SGCD: variants seen among roughly 807,000 people sequenced by gnomAD.
SGCD encodes the protein delta-sarcoglycan.
In SGCD, 18 loss-of-function variants were observed where a neutral mutation model predicts 36.6. The observed-to-expected ratio is 0.49, with a 90% CI of 0.34 to 0.73. The LOEUF is 0.73. SGCD is among the 30% of genes least tolerant of loss of function. SGCD has a pLI of 0.01. For synonymous variants in SGCD, 133 were observed against 130.6 expected, an observed-to-expected ratio of 1.02 and a Z score of -0.12; for missense variants, 387 against 346.7, an observed-to-expected ratio of 1.12 and a Z score of -0.92.
At chr5:156,222,143 C>G (rs922253615) in intron 3 of SGCD, among the ~76,000 whole-genome samples, 8 of 151,964 alleles carry the variant, frequency 5.3e-5, no homozygotes, top group Non-Finnish European at 1.5e-5. Flanking sequence ...ATAGAAGAGG[C>G]CGCTTCTAAA....
At chr5:156,233,431 A>G (rs567063238) in intron 3 of SGCD, among the ~76,000 whole-genome samples, 1 of 152,354 alleles carries the variant, frequency 6.6e-6, no homozygotes, top group East Asian at 1.9e-4. Context: ...TGTTTGATGA[A>G]CAAGGTGGTA....
chr5:156,505,207 TGA>T (rs1321757895), intron 3 of SGCD, among the ~76,000 whole-genome samples: 1 of 152,200 alleles, frequency 6.6e-6, no homozygotes, highest in Non-Finnish European at 1.5e-5. Flanking sequence ...CTGCTGCAGG[TGA>T]GACACGTGCC....
At chr5:156,610,747 G>C (rs372613631) in intron 6 of SGCD, among the ~76,000 whole-genome samples, 1 of 152,196 alleles carries the variant, frequency 6.6e-6, no homozygotes, top group Non-Finnish European at 1.5e-5. Flanking sequence ...AAAGGTGGGC[G>C]CCCCTCCCCC....
chr5:155,801,122 T>C, the SGCD span, among the ~76,000 whole-genome samples: 1 of 152,202 alleles, frequency 6.6e-6, no homozygotes, highest in Non-Finnish European at 1.5e-5. Flanking sequence ...TCTGCCTTCT[T>C]GGCCTTCCAA....
At chr5:156,043,104 CAT>C (rs1374652541) in intron 1 of SGCD, among the ~76,000 whole-genome samples, 2 of 152,124 alleles carry the variant, frequency 1.3e-5, no homozygotes, top group Middle Eastern at 3.2e-3. Flanking sequence ...CTTTTACTGT[CAT>C]AATTTTCTTA....
intron 3 of SGCD, among the ~76,000 whole-genome samples, chr5:156,450,864 T>G (rs1581013195): frequency 1.3e-5 from 2 of 152,248 alleles, no homozygotes; most frequent in Middle Eastern, 6.8e-3. Flanking sequence ...AGTACTTTCT[T>G]TTTATATTAA....
chr5:156,336,092 T>A (rs1458724017), intron 2 of SGCD, among the ~76,000 whole-genome samples: 1 of 152,126 alleles, frequency 6.6e-6, no homozygotes, highest in Admixed American at 6.5e-5. Flanking sequence ...CCTGCTTCTT[T>A]CCCCTTCTGC....
At chr5:156,063,293 ATC>A (rs1760278636) in intron 1 of SGCD, among the ~76,000 whole-genome samples, 1 of 13,820 alleles carries the variant, frequency 7.2e-5, no homozygotes, top group African/African-American at 4.4e-4. Context: ...ATTGATCTAT[ATC>A]TCTGTTTTGG....
chr5:155,881,845 G>T, intron 1 of SGCD, among the ~76,000 whole-genome samples: 1 of 152,104 alleles, frequency 6.6e-6, no homozygotes. Context: ...TAGATTCCAG[G>T]TCAAGAAACC....
intron 3 of SGCD, among the ~76,000 whole-genome samples, chr5:156,420,534 T>C (rs139396977): frequency 5.3e-4 from 80 of 152,126 alleles, no homozygotes; most frequent in Non-Finnish European, 1.0e-3. Flanking sequence ...TTGCCTGATA[T>C]TTCTGTATAA....
At chr5:156,324,233 G>A (rs1054477411), upstream of SGCD, among the ~76,000 whole-genome samples, 2 of 152,132 alleles carry the variant, frequency 1.3e-5, no homozygotes, top group African/African-American at 4.8e-5. Context: ...GACTGGTAAT[G>A]TCCTGGAGGG....
chr5:156,703,391 T>C (rs1490147688), intron 7 of SGCD, among the ~76,000 whole-genome samples: 1 of 151,800 alleles, frequency 6.6e-6, no homozygotes, highest in South Asian at 2.1e-4. Flanking sequence ...TCTTTTTTTT[T>C]TTTTCTTTTT....
chr5:156,135,885 C>T (rs1381139626), intron 3 of SGCD, among the ~76,000 whole-genome samples: 2 of 152,078 alleles, frequency 1.3e-5, no homozygotes, highest in African/African-American at 4.8e-5. Context: ...AGGATCTGGA[C>T]TTCCTAATTG....
chr5:156,166,029 C>G (rs2127620086), intron 3 of SGCD, among the ~76,000 whole-genome samples: 1 of 152,294 alleles, frequency 6.6e-6, no homozygotes. Context: ...CCTCTAGTAT[C>G]TGCACTTGGC....
At chr5:156,604,148 C>A (rs563812299) in intron 6 of SGCD, among the ~76,000 whole-genome samples, 13 of 151,688 alleles carry the variant, frequency 8.6e-5, no homozygotes, top group Non-Finnish European at 1.6e-4. Flanking sequence ...TATACAATGA[C>A]CTTCTCCTTT....
intron 7 of SGCD, among the ~76,000 whole-genome samples, chr5:156,752,698 T>G (rs1409714229): frequency 6.6e-6 from 1 of 152,212 alleles, no homozygotes; most frequent in African/African-American, 2.4e-5. Context: ...CGGCCAGCAT[T>G]ATCATTCTTT....
At chr5:156,473,786 G>T (rs937755817) in intron 3 of SGCD, among the ~76,000 whole-genome samples, 1 of 152,128 alleles carries the variant, frequency 6.6e-6, no homozygotes, top group East Asian at 1.9e-4. Context: ...GTTTTAAGGA[G>T]CAATCGAAGT....
chr5:155,840,748 G>T, the SGCD span, among the ~76,000 whole-genome samples: 1 of 151,022 alleles, frequency 6.6e-6, no homozygotes, highest in Non-Finnish European at 1.5e-5. Context: ...GTGGTGGCTC[G>T]TGCCTGTAAT....
chr5:155,765,504 G>A, the SGCD span, among the ~76,000 whole-genome samples: 2 of 151,984 alleles, frequency 1.3e-5, no homozygotes, highest in Admixed American at 1.3e-4. Flanking sequence ...AAGCCATATA[G>A]GCAATCTAAT....
Sources: allele counts gnomAD v4.1 joint callset (sites outside exome capture counted in the v4.1 genomes callset), GRCh38; gene constraint gnomAD v4.1.1; transcripts MANE v1.5; gene names NCBI Gene and HGNC (gene_info 2026-07-23, HGNC 2026-07-21).